TNNT2: variants seen among roughly 807,000 people sequenced by gnomAD.
The protein encoded by TNNT2 is troponin T, cardiac muscle.
TNNT2 carries 34 observed loss-of-function variants against 62.4 expected under a neutral mutation model. That is an observed-to-expected ratio of 0.54 (90% CI 0.41 to 0.72). The LOEUF is 0.72. Ranked by LOEUF, TNNT2 falls within the 30% of genes least tolerant of loss-of-function variation. TNNT2 has a pLI of 0.00. For missense variants in TNNT2, 275 were observed against 381.9 expected, an observed-to-expected ratio of 0.72 and a Z score of 2.33; for synonymous variants, 123 against 127.2, an observed-to-expected ratio of 0.97 and a Z score of 0.22.
intron 11 of TNNT2, chr1:201,363,888 C>T (rs1221231037): frequency 5.8e-5 from 13 of 224,158 alleles, no homozygotes; most frequent in South Asian, 4.9e-4. Flanking sequence ...TCTTTTTTTT[C>T]CTTTTTTTTT....
intron 4 of TNNT2, among the ~76,000 whole-genome samples, chr1:201,370,252 T>A (rs1419276): frequency 0.7 from 106,247 of 152,040 alleles, 37,447 homozygotes; most frequent in South Asian, 0.82. Context: ...GGGACAATTC[T>A]CTTCCATCAA....
At chr1:201,364,093 A>G in intron 11 of TNNT2, 1 of 581,692 alleles carries the variant, frequency 1.7e-6, no homozygotes, top group Non-Finnish European at 3.1e-6. Context: ...TCCGTTGGTC[A>G]GGATGGTCTC....
At chr1:201,368,101 G>A (rs562172665) in intron 6 of TNNT2, 61 bp downstream of exon 6, 4 of 1,558,858 alleles carry the variant, frequency 2.6e-6, no homozygotes, top group East Asian at 2.2e-5. Context: ...ACTGCCTCAG[G>A]AATGGCTCCA....
At position 201,365,634 on chromosome 1, in the gene TNNT2, G is replaced by C. The variant is rs140245123; in HGVS notation, c.270C>G (p.Pro90=). 304 of 1,614,022 alleles carry C rather than the reference G, an allele frequency of 1.9e-4. 2 individuals carry two copies. The highest frequency in any genetic ancestry group is 3.5e-4 in the Admixed American group (21 of 60,004). The change falls in exon 9 of 17, where the codon CCC becomes CCG. Residue 90 remains proline, a synonymous_variant. Transcript: ENST00000656932. ...FMPNLVPPKI[P]DGERVDFDDI... ...CATCAAAGTCCACTCTCTCTCCATC[G>C]GGGATCTTGGGAGGCACCAAGTTGG... is the stretch of plus-strand genomic sequence containing the variant.
chr1:201,368,281 G>T lies in TNNT2; in HGVS notation c.98-54C>A, dbSNP rs1389473879. On this transcript the variant is annotated intron_variant, in intron 5 of 16. Coordinates refer to ENST00000656932, the MANE Select transcript of TNNT2 (RefSeq NM_001276345.2). ...AAGCAGGCCCCACTCATGCTATCAG[G>T]CAGAACCCAGAGCAGAGAATGGGCA... is the stretch of plus-strand genomic sequence containing the variant. 4 of 1,584,134 alleles carry T rather than the reference G, an allele frequency of 2.5e-6. No homozygotes were observed. The Admixed American group carries it at 6.7e-5, about 27-fold the overall frequency.
chr1:201,361,643 T>C (rs1187376676), intron 14 of TNNT2, among the ~76,000 whole-genome samples: 1 of 152,186 alleles, frequency 6.6e-6, no homozygotes, highest in Non-Finnish European at 1.5e-5. Flanking sequence ...AGCATCTAGT[T>C]CAATCCCCTG....
chr1:201,361,213 C>T, intron 15 of TNNT2, 66 bp downstream of exon 15: 1 of 1,500,446 alleles, frequency 6.7e-7, no homozygotes, highest in Non-Finnish European at 9.3e-7. Context: ...AGCAGTATTA[C>T]CGGACCCAGT....
At chr1:201,361,804 T>C (rs990770640) in intron 14 of TNNT2, 109 bp downstream of exon 14, 6 of 1,063,520 alleles carry the variant, frequency 5.6e-6, no homozygotes, top group Non-Finnish European at 8.8e-6. Flanking sequence ...TGGGAAAATA[T>C]GTGAGGCAGT....
chr1:201,366,768 C>T (rs1659729433), intron 8 of TNNT2, 70 bp downstream of exon 8: 12 of 1,613,166 alleles, frequency 7.4e-6, no homozygotes, highest in Admixed American at 3.3e-5. Flanking sequence ...CCATACTGCA[C>T]CCCGTTCCAT....
chr1:201,362,350 T>A (rs771069963), intron 13 of TNNT2, 36 bp downstream of exon 13: 13 of 1,612,674 alleles, frequency 8.1e-6, no homozygotes, highest in Non-Finnish European at 1.1e-5. Context: ...TCCAAAACTA[T>A]GGGGAGGAAG....
intron 5 of TNNT2, chr1:201,369,355 G>A: frequency 2.1e-6 from 1 of 473,720 alleles, no homozygotes; most frequent in Non-Finnish European, 4.4e-6. Context: ...GCTATTTCCA[G>A]TCTCCCTGGC....
intron 4 of TNNT2, among the ~76,000 whole-genome samples, chr1:201,370,442 C>A (rs1442338503): frequency 1.3e-5 from 2 of 152,136 alleles, no homozygotes; most frequent in Non-Finnish European, 2.9e-5. Context: ...AAGGGTCCAG[C>A]ATTATAAATC....
At chr1:201,361,846 C>T (rs1571604308) in intron 14 of TNNT2, 67 bp downstream of exon 14, 1 of 1,445,736 alleles carries the variant, frequency 6.9e-7, no homozygotes, top group East Asian at 2.3e-5. Context: ...GCAAGAAGTG[C>T]CCTTGGCCCG....
chr1:201,366,712 C>T, intron 8 of TNNT2, 126 bp downstream of exon 8: 1 of 1,599,632 alleles, frequency 6.3e-7, no homozygotes, highest in East Asian at 2.2e-5. Context: ...TACAACTGTA[C>T]TGTGGTGCTC....
intron 15 of TNNT2, chr1:201,360,802 G>A (rs1256754257): frequency 4.8e-6 from 1 of 209,472 alleles, no homozygotes; most frequent in Non-Finnish European, 9.7e-6. Flanking sequence ...TCCTTGCCTG[G>A]TGTCTGTTCA....
chr1:201,361,818 G>A, intron 14 of TNNT2, 95 bp downstream of exon 14: 2 of 1,174,070 alleles, frequency 1.7e-6, no homozygotes, highest in Non-Finnish European at 2.6e-6. Context: ...AGGCAGTCCT[G>A]CCCTCTGGTG....
chr1:201,365,599 C>T lies in TNNT2; in HGVS notation c.294+11G>A, dbSNP rs1659510572. The T allele has an allele frequency of 6.2e-7, 1 of 1,613,694 alleles. No individual in the cohort carries two copies. The highest frequency in any genetic ancestry group is 1.7e-5 in the Admixed American group (1 of 59,950). On this transcript the variant is annotated intron_variant, in intron 9 of 16. Transcript: ENST00000656932. ...CAGCCCAGGCCTACTCAACCCACAGCCACCGCTTACATCAAAGTCCACTCT... is the reference window on the plus strand; with the variant it reads ...CAGCCCAGGCCTACTCAACCCACAGTCACCGCTTACATCAAAGTCCACTCT...
chr1:201,375,731 C>T (rs1175512557), intron 1 of TNNT2, among the ~76,000 whole-genome samples: 1 of 152,212 alleles, frequency 6.6e-6, no homozygotes, highest in Non-Finnish European at 1.5e-5. Flanking sequence ...GCTTGTCCCT[C>T]AGTGGGAGGG....
chr1:201,366,749 T>A, intron 8 of TNNT2, 89 bp downstream of exon 8: 1 of 1,611,616 alleles, frequency 6.2e-7, no homozygotes, highest in East Asian at 2.2e-5. Context: ...CCAGCCCGTG[T>A]CCACTGCACC....
Sources: gnomAD v4.1 joint callset for allele counts (sites outside exome capture counted in the v4.1 genomes callset) on GRCh38, gnomAD v4.1.1 for gene constraint, MANE v1.5 for transcripts, NCBI Gene and HGNC (gene_info 2026-07-23, HGNC 2026-07-21) for gene names.